The following SLC25A43 variants were observed in gnomAD, a reference collection of about 807,000 sequenced individuals.
SLC25A43 encodes solute carrier family 25, member 43.
A neutral mutation model predicts 22.8 loss-of-function variants in SLC25A43; 10 were observed. That is an observed-to-expected ratio of 0.44 (90% CI 0.27 to 0.74). SLC25A43 has a LOEUF of 0.74. Ranked by LOEUF, SLC25A43 falls within the 30% of genes least tolerant of loss-of-function variation. The pLI, the probability that SLC25A43 is intolerant of heterozygous loss-of-function variation, is 0.17. For synonymous variants in SLC25A43, 106 were observed against 121.6 expected (o/e 0.87, Z 0.84); for missense variants, 233 against 279.1 (o/e 0.83, Z 1.18).
intron 3 of SLC25A43, among the ~76,000 whole-genome samples, chrX:119,435,272 G>A (rs911108576): frequency 5.4e-5 from 6 of 110,718 alleles, no homozygotes; most frequent in African/African-American, 6.6e-5. Context: ...CAGGAAATTT[G>A]GGAGCTGGTC....
chrX:119,400,853 T>C (rs1469080419), intron 1 of SLC25A43, among the ~76,000 whole-genome samples: 1 of 111,542 alleles, frequency 9.0e-6, no homozygotes, highest in Non-Finnish European at 1.9e-5. Flanking sequence ...CCACCTCTGC[T>C]TGCCCTCATC....
In SLC25A43 at chrX:119,453,144, G is replaced by A. The variant is rs1208074390; in HGVS notation, c.*79G>A. ...AATGTAGCCTCATAACTGTGCACCT[G>A]AGGAGGGATGAGAAGCTACTGCTAT... On this transcript the variant is annotated 3_prime_UTR_variant, in exon 5 of 5. Transcript: ENST00000217909. The A allele has an allele frequency of 8.0e-6, 7 of 870,424 alleles. No homozygotes were observed. Among genetic ancestry groups the A allele is most frequent in the Non-Finnish European group, 1.2e-5 (7 of 602,537 alleles). 71.7% of individuals were successfully genotyped at this position (870,424 alleles called of 1,213,427 possible). A position where few individuals can be genotyped will look rare whatever the true frequency, so the allele number is the denominator to read the frequency against.
At chrX:119,411,834 TAAC>T (rs750379639) in intron 3 of SLC25A43, among the ~76,000 whole-genome samples, 5 of 111,546 alleles carry the variant, frequency 4.5e-5, no homozygotes, top group Non-Finnish European at 9.4e-5. Flanking sequence ...TTCACCTACG[TAAC>T]AAACCTGCAC....
chrX:119,413,526 C>T (rs1290392447), intron 3 of SLC25A43, among the ~76,000 whole-genome samples: 3 of 110,399 alleles, frequency 2.7e-5, no homozygotes, highest in African/African-American at 9.9e-5. Context: ...GCCAACATGG[C>T]GAAACCCCGT....
intron 3 of SLC25A43, among the ~76,000 whole-genome samples, chrX:119,446,356 T>C (rs192300662): frequency 1.8e-5 from 2 of 110,732 alleles, no homozygotes; most frequent in Admixed American, 1.9e-4. Flanking sequence ...AGGAAACAAC[T>C]AACTGGAATA....
chrX:119,410,089 C>T (rs2052336148), intron 2 of SLC25A43, 101 bp from the exon 3 acceptor site: 2 of 936,474 alleles, frequency 2.1e-6, no homozygotes, highest in Non-Finnish European at 3.0e-6. Context: ...AACCCCAGAG[C>T]CCCTCCTGTT....
chrX:119,412,771 TG>T (rs1174735344), intron 3 of SLC25A43, among the ~76,000 whole-genome samples: 1 of 112,244 alleles, frequency 8.9e-6, no homozygotes, highest in Non-Finnish European at 1.9e-5. Context: ...ATTACTTTTT[TG>T]TTTGTTTGTT....
intron 1 of SLC25A43, among the ~76,000 whole-genome samples, chrX:119,400,714 A>G (rs1451060499): frequency 2.7e-5 from 3 of 112,377 alleles, no homozygotes; most frequent in African/African-American, 9.7e-5. Flanking sequence ...GAACGGAATC[A>G]TCCTTATTAC....
chrX:119,443,922 T>G (rs2052644631), intron 3 of SLC25A43, among the ~76,000 whole-genome samples: 1 of 107,198 alleles, frequency 9.3e-6, no homozygotes, highest in African/African-American at 3.4e-5. Context: ...GCCCGGCTAA[T>G]TTTTTTTTCT....
At chrX:119,420,992 G>T (rs1236855865) in intron 3 of SLC25A43, among the ~76,000 whole-genome samples, 1 of 109,884 alleles carries the variant, frequency 9.1e-6, no homozygotes, top group African/African-American at 3.3e-5. Context: ...GGTGCCTGTA[G>T]TCCCAGCTAC....
rs770408278 is a variant in SLC25A43, at chrX:119,444,401, C to G, written c.691-7608C>G. Reference sequence around the variant, plus strand: ...TCTAAGAGCTAGGTATTATCACTCCCATTTTTGAAATAAAGAAATTGAGGC... The same window carrying G: ...TCTAAGAGCTAGGTATTATCACTCCGATTTTTGAAATAAAGAAATTGAGGC... On this transcript the variant is annotated intron_variant, in intron 3 of 4. Transcript: ENST00000217909. 3.6e-5 allele frequency among the ~76,000 whole-genome samples: 4 copies of G among 111,585 alleles called. No homozygotes were observed. The East Asian group carries it at 1.1e-3, about 31-fold the overall frequency.
In SLC25A43 at chrX:119,399,811, G is replaced by T. The variant is rs930338026; in HGVS notation, c.275+133G>T. On this transcript the variant is annotated intron_variant, in intron 1 of 4. Transcript: ENST00000217909. ...ACGGCCCCCTTGTCGATCACCTGGG[G>T]ACCCCTCGGGGCGGTGGGCCACCTC... 25 of 714,536 alleles carry T rather than the reference G, an allele frequency of 3.5e-5. No homozygotes were observed. The African/African-American group carries it at 4.7e-4, about 14-fold the overall frequency. 58.9% of individuals were successfully genotyped at this position (714,536 alleles called of 1,213,427 possible). A position where few individuals can be genotyped will look rare whatever the true frequency, so the allele number is the denominator to read the frequency against.
intron 3 of SLC25A43, among the ~76,000 whole-genome samples, chrX:119,447,426 C>A (rs377123718): frequency 2.7e-5 from 3 of 110,934 alleles, no homozygotes; most frequent in Admixed American, 9.6e-5. Context: ...CCACCTCAGC[C>A]CCCCCAAGTA....
chrX:119,410,115 C>T, intron 2 of SLC25A43, 75 bp from the exon 3 acceptor site: 3 of 1,084,140 alleles, frequency 2.8e-6, no homozygotes, highest in Non-Finnish European at 2.5e-6. Flanking sequence ...TCCCCGGAAT[C>T]CCCCCAGGAA....
At chrX:119,424,508 G>A (rs2052486016) in intron 3 of SLC25A43, among the ~76,000 whole-genome samples, 1 of 110,600 alleles carries the variant, frequency 9.0e-6, no homozygotes, top group African/African-American at 3.3e-5. Flanking sequence ...AATCCTGTAG[G>A]CAAGGGAACT....
At chrX:119,446,151 C>CA (rs3078475) in intron 3 of SLC25A43, among the ~76,000 whole-genome samples, 410 of 38,705 alleles carry the variant, frequency 0.011, 31 homozygotes, top group Non-Finnish European at 0.014. Context: ...GACTCCATCT[C>CA]AAAAAAAAAA....
chrX:119,399,861 A>G lies in SLC25A43; in HGVS notation c.275+183A>G, dbSNP rs111970133. ...CTATGGCCCCCAGAGTGCAGCCCCAATGCTTTTCACGTTCTCTTGGGGTTA... is the reference window on the plus strand; with the variant it reads ...CTATGGCCCCCAGAGTGCAGCCCCAGTGCTTTTCACGTTCTCTTGGGGTTA... On this transcript the variant is annotated intron_variant, in intron 1 of 4. Coordinates refer to ENST00000217909, the MANE Select transcript of SLC25A43 (RefSeq NM_145305.3). Among the ~76,000 whole-genome samples, 546 of 112,727 alleles carry G rather than the reference A, an allele frequency of 4.8e-3. 1 individual carries two copies. Among genetic ancestry groups the G allele is most frequent in the Middle Eastern group, 9.3e-3 (2 of 216 alleles).
At chrX:119,452,492 CAA>C (rs376677564) in intron 4 of SLC25A43, among the ~76,000 whole-genome samples, 4 of 66,036 alleles carry the variant, frequency 6.1e-5, no homozygotes, top group Admixed American at 1.8e-4. Context: ...AACTCCATGA[CAA>C]AAAAAAAAAA....
At chrX:119,449,822 C>T (rs2052693522) in intron 3 of SLC25A43, among the ~76,000 whole-genome samples, 1 of 111,944 alleles carries the variant, frequency 8.9e-6, no homozygotes, top group South Asian at 3.7e-4. Context: ...GTAATGCACA[C>T]ATGAGATGGT....
Sources: gnomAD v4.1 joint callset for allele counts (sites outside exome capture counted in the v4.1 genomes callset) on GRCh38, gnomAD v4.1.1 for gene constraint, MANE v1.5 for transcripts, NCBI Gene and HGNC (gene_info 2026-07-23, HGNC 2026-07-21) for gene names.